Variants in LRP12 observed in about 807,000 individuals in gnomAD.
LRP12 encodes the protein low-density lipoprotein receptor-related protein 12.
In LRP12, 14 loss-of-function variants were observed where a neutral mutation model predicts 66.0. That is an observed-to-expected ratio of 0.21 (90% CI 0.14 to 0.33). The LOEUF is 0.33. LRP12 is among the 10% of genes least tolerant of loss of function. The probability of loss-of-function intolerance (pLI) is 1.00; values close to 1 mark genes in which losing one functional copy is unlikely to be tolerated. For synonymous variants in LRP12, 357 were observed against 359.1 expected, an observed-to-expected ratio of 0.99 and a Z score of 0.07; for missense variants, 889 against 1,053.4, an observed-to-expected ratio of 0.84 and a Z score of 2.16.
intron 2 of LRP12, among the ~76,000 whole-genome samples, chr8:104,521,937 C>T (rs1043358427): frequency 7.9e-5 from 12 of 151,808 alleles, no homozygotes; most frequent in Non-Finnish European, 1.5e-4. Context: ...GACCATTTGA[C>T]CTGCTACTTT....
intron 1 of LRP12, among the ~76,000 whole-genome samples, chr8:104,542,084 C>T (rs1362139394): frequency 6.6e-6 from 1 of 152,108 alleles, no homozygotes; most frequent in African/African-American, 2.4e-5. Context: ...AGCTGTATTC[C>T]AAATGGCAAT....
chr8:104,552,527 T>TC (rs959602746), intron 1 of LRP12, among the ~76,000 whole-genome samples: 19 of 151,944 alleles, frequency 1.3e-4, no homozygotes, highest in African/African-American at 3.9e-4. Context: ...ATTTTTTTTT[T>TC]CTCTCAGCAA....
Position 104,497,671 on chromosome 8 carries a change from T to C in LRP12, c.881A>G (p.His294Arg). 2 of 1,614,136 alleles carry C rather than the reference T, an allele frequency of 1.2e-6. No homozygotes were observed. The highest frequency in any genetic ancestry group is 1.7e-6 in the Non-Finnish European group (2 of 1,180,016). ...NCTWLIDTGDHRKVILRFTDF... is the reference protein window; with the variant it reads ...NCTWLIDTGDRRKVILRFTDF... ...AGTGAAGCGTAAAATGACTTTACGG[T>C]GATCACCAGTGTCTATTAACCAGGT... The change falls in exon 5 of 7, where the codon CAC (histidine) becomes CGC (arginine). Residue 294 changes from histidine (H) to arginine (R), a missense_variant. His to Arg is a conservative substitution (Grantham distance 29). Coordinates refer to ENST00000276654, the MANE Select transcript of LRP12 (RefSeq NM_013437.5). The surrounding 1 kb of genome is among the most constrained non-coding windows in gnomAD (Gnocchi z 4.3).
chr8:104,491,498 C>A lies in LRP12; in HGVS notation c.1755G>T (p.Gln585His). Residue 585 changes from glutamine to histidine, a missense_variant, in exon 7 of 7, where the codon CAG becomes CAT. Gln to His is a conservative substitution (Grantham distance 24). Coordinates refer to ENST00000276654, the MANE Select transcript of LRP12 (RefSeq NM_013437.5). Reference protein sequence around the residue: ...LENLRLAVRSQLGFTSVRLPM... With the variant: ...LENLRLAVRSHLGFTSVRLPM... ...GAAGCCTGACTGAAGTAAATCCAAG[C>A]TGAGATCGTACCGCTAGCCTCAGAT... 1.9e-6 allele frequency: 3 copies of A among 1,613,300 alleles called. No individual in the cohort carries two copies. The highest frequency in any genetic ancestry group is 2.5e-6 in the Non-Finnish European group (3 of 1,179,908).
intron 1 of LRP12, among the ~76,000 whole-genome samples, chr8:104,571,107 T>G (rs1812073914): frequency 6.6e-6 from 1 of 152,208 alleles, no homozygotes; most frequent in Non-Finnish European, 1.5e-5. Flanking sequence ...ACTCCCACAC[T>G]GCTAGTCAGA....
chr8:104,494,451 A>C (rs185997725), intron 6 of LRP12, among the ~76,000 whole-genome samples: 3 of 152,322 alleles, frequency 2.0e-5, no homozygotes, highest in African/African-American at 7.2e-5. Flanking sequence ...ATAATACTGG[A>C]AACAACAGTT....
At chr8:104,528,294 T>G (rs1811272093) in intron 2 of LRP12, among the ~76,000 whole-genome samples, 1 of 152,120 alleles carries the variant, frequency 6.6e-6, no homozygotes, top group South Asian at 2.1e-4. Context: ...TACTGAAGCA[T>G]CTCACCATTT....
chr8:104,545,343 C>T (rs1022458473), intron 1 of LRP12, among the ~76,000 whole-genome samples: 2 of 152,166 alleles, frequency 1.3e-5, no homozygotes, highest in African/African-American at 4.8e-5. Flanking sequence ...TAGAATATTA[C>T]ATAAACTTAG....
intron 1 of LRP12, among the ~76,000 whole-genome samples, chr8:104,584,255 T>A (rs761193247): frequency 1.4e-4 from 22 of 152,024 alleles, no homozygotes; most frequent in Non-Finnish European, 2.8e-4. Context: ...AGACTTGCAG[T>A]AAGAACAGGA....
chr8:104,588,938 G>A lies in LRP12; in HGVS notation c.-41C>T, dbSNP rs1427161997. The A allele has an allele frequency of 1.5e-5, 23 of 1,490,982 alleles. No individual in the cohort carries two copies. Among genetic ancestry groups the A allele is most frequent in the East Asian group, 2.5e-5 (1 of 40,370 alleles). 92.4% of individuals were successfully genotyped at this position (1,490,982 alleles called of 1,614,324 possible). A position where few individuals can be genotyped will look rare whatever the true frequency, so the allele number is the denominator to read the frequency against. On this transcript the variant is annotated 5_prime_UTR_variant, in exon 1 of 7. Coordinates refer to ENST00000276654, the MANE Select transcript of LRP12 (RefSeq NM_013437.5). ...AGAGAGAGAGGAGGAGACGGAGGAG[G>A]AGGGAGGAGAAGCTGGAGGTAGACG...
intron 2 of LRP12, among the ~76,000 whole-genome samples, chr8:104,519,644 G>C (rs532504753): frequency 1.3e-3 from 195 of 152,000 alleles, no homozygotes; most frequent in Middle Eastern, 0.01. Flanking sequence ...GTCTAAGATG[G>C]GAAAGGTTTT....
At chr8:104,548,174 A>ATATCTTATATTAATATTAATATACATAT (rs1564141824) in intron 1 of LRP12, among the ~76,000 whole-genome samples, 62 of 99,118 alleles carry the variant, frequency 6.3e-4, no homozygotes, top group African/African-American at 2.7e-3. Context: ...TATATATAAT[A>ATATCTTATATTAATATTAATATACATAT]TAATATATAA....
chr8:104,559,041 CTG>C (rs1396318196), intron 1 of LRP12, among the ~76,000 whole-genome samples: 9 of 152,152 alleles, frequency 5.9e-5, no homozygotes, highest in Non-Finnish European at 8.8e-5. Context: ...CTATGGAAAA[CTG>C]TGTGGAGATT....
chr8:104,568,263 A>C (rs1354842075), intron 1 of LRP12, among the ~76,000 whole-genome samples: 2 of 152,184 alleles, frequency 1.3e-5, no homozygotes, highest in Non-Finnish European at 2.9e-5. Context: ...ATATGCAAAA[A>C]ACAGGTCAAA....
chr8:104,509,171 C>T, intron 2 of LRP12, 97 bp from the exon 3 acceptor site: 1 of 1,028,798 alleles, frequency 9.7e-7, no homozygotes, highest in Non-Finnish European at 1.4e-6. Flanking sequence ...AAACTTTACA[C>T]ATCAAATAAT....
Position 104,490,895 on chromosome 8 carries a change from A to C in LRP12, c.2358T>G (p.Phe786Leu). Reference protein sequence around the residue: ...LIPISDGSSDFDVNDCSRPLL... With the variant: ...LIPISDGSSDLDVNDCSRPLL... Reference sequence around the variant, plus strand: ...GAGGTCTGGAGCAGTCATTCACATCAAAGTCTGAAGATCCATCAGAAATTG... The same window carrying C: ...GAGGTCTGGAGCAGTCATTCACATCCAAGTCTGAAGATCCATCAGAAATTG... The change falls in exon 7 of 7, where the codon TTT becomes TTG. Residue 786 changes from phenylalanine (F) to leucine (L), a missense_variant. By Grantham distance (22) the Phe-to-Leu change is conservative. This residue lies in a region of LRP12 where 800 missense variants were observed against 964.5 expected (regional missense o/e 0.83). Transcript: ENST00000276654. 2.5e-6 allele frequency: 4 copies of C among 1,614,144 alleles called. No individual in the cohort carries two copies. The highest frequency in any genetic ancestry group is 3.4e-6 in the Non-Finnish European group (4 of 1,180,016).
At chr8:104,546,342 A>G (rs1811556595) in intron 1 of LRP12, among the ~76,000 whole-genome samples, 1 of 152,142 alleles carries the variant, frequency 6.6e-6, no homozygotes, top group African/African-American at 2.4e-5. Flanking sequence ...CAACACTACA[A>G]TCAAGACACA....
In LRP12 at chr8:104,523,457, A is replaced by G. The variant is rs77692605; in HGVS notation, c.136+8450T>C. Reference sequence around the variant, plus strand: ...AAATCATAACTGAATAAAATTAATTATATGACATACTATACAACTAATAAT... The same window carrying G: ...AAATCATAACTGAATAAAATTAATTGTATGACATACTATACAACTAATAAT... On this transcript the variant is annotated intron_variant, in intron 2 of 6. Coordinates refer to ENST00000276654, the MANE Select transcript of LRP12 (RefSeq NM_013437.5). Among the ~76,000 whole-genome samples the G allele has an allele frequency of 6.0e-3, 916 of 152,292 alleles. 9 individuals carry two copies. The highest frequency in any genetic ancestry group is 0.012 in the Admixed American group (191 of 15,300).
At chr8:104,516,352 G>GA (rs530139566) in intron 2 of LRP12, among the ~76,000 whole-genome samples, 154 of 141,924 alleles carry the variant, frequency 1.1e-3, no homozygotes, top group Middle Eastern at 3.6e-3. Flanking sequence ...CATCTGAAAT[G>GA]AAAAAAAAAA....
Sources: gnomAD v4.1 joint callset for allele counts (sites outside exome capture counted in the v4.1 genomes callset) on GRCh38, gnomAD v4.1.1 for gene constraint, gnomAD v4.1.1 regional missense constraint, Gnocchi (gnomAD v3.1) non-coding constraint, MANE v1.5 for transcripts, NCBI Gene and HGNC (gene_info 2026-07-23, HGNC 2026-07-21) for gene names.